The following PCDHA7 variants were observed in gnomAD, a reference collection of about 807,000 sequenced individuals.
PCDHA7 encodes the protein protocadherin alpha-7.
PCDHA7 carries 37 observed loss-of-function variants against 57.2 expected under a neutral mutation model. The observed-to-expected ratio is 0.65, with a 90% CI of 0.50 to 0.85. The LOEUF (loss-of-function observed/expected upper bound fraction) is 0.85, where lower values mean the gene tolerates loss of function less well. PCDHA7 is among the 40% of genes least tolerant of loss of function. The probability of loss-of-function intolerance (pLI) is 0.00; values close to 1 mark genes in which losing one functional copy is unlikely to be tolerated. For missense variants in PCDHA7, 1,188 were observed against 1,241.8 expected (o/e 0.96, Z 0.65); for synonymous variants, 553 against 558.8 (o/e 0.99, Z 0.15).
At chr5:140,863,571 TA>T in intron 1 of PCDHA7, 1 of 369,950 alleles carries the variant, frequency 2.7e-6, no homozygotes, top group South Asian at 2.1e-5. Context: ...AGAATATAAG[TA>T]CTGTAATCCT....
intron 1 of PCDHA7, among the ~76,000 whole-genome samples, chr5:140,892,021 G>A (rs2063355611): frequency 6.6e-6 from 1 of 152,160 alleles, no homozygotes; most frequent in Admixed American, 6.5e-5. Context: ...AGCACAAATG[G>A]TCTAAGATAC....
chr5:140,857,626 G>A (rs536509917), intron 1 of PCDHA7: 1 of 1,596,672 alleles, frequency 6.3e-7, no homozygotes, highest in South Asian at 1.1e-5. Context: ...ACCACGAGGA[G>A]CTGGAGCTGC....
intron 1 of PCDHA7, chr5:140,867,194 C>T (rs185502341): frequency 1.6e-3 from 248 of 152,260 alleles, no homozygotes; most frequent in African/African-American, 5.7e-3. Context: ...CAAGACTCCA[C>T]ATTCCATGTA....
chr5:140,966,259 G>A (rs1358322921), intron 1 of PCDHA7: 1 of 340,612 alleles, frequency 2.9e-6, no homozygotes, highest in Non-Finnish European at 5.3e-6. Context: ...AGACGGTGGA[G>A]ACTGGATGAA....
intron 1 of PCDHA7, among the ~76,000 whole-genome samples, chr5:140,909,493 G>T (rs989826667): frequency 6.6e-6 from 1 of 152,184 alleles, no homozygotes; most frequent in African/African-American, 2.4e-5. Context: ...AGAGCTGAAC[G>T]GGGATGTGGT....
intron 1 of PCDHA7, chr5:140,927,440 C>T (rs782460713): frequency 3.7e-6 from 6 of 1,614,050 alleles, no homozygotes; most frequent in Admixed American, 3.3e-5. Context: ...AGCGAATACC[C>T]GGAGTTGGTG....
intron 1 of PCDHA7, chr5:140,876,592 G>A (rs1469576623): frequency 1.2e-6 from 2 of 1,614,164 alleles, no homozygotes; most frequent in Middle Eastern, 1.6e-4. Flanking sequence ...CCTGATTAGC[G>A]TGTCGGATCG....
At chr5:140,972,660 ATTTTT>A (rs11350929) in intron 1 of PCDHA7, among the ~76,000 whole-genome samples, 2 of 117,266 alleles carry the variant, frequency 1.7e-5, no homozygotes, top group African/African-American at 3.3e-5. Flanking sequence ...AAGAAACCAA[ATTTTT>A]TTTTTTTTTT....
In PCDHA7 at chr5:141,010,089, G is replaced by A. The variant is rs1588251277; in HGVS notation, c.*152G>A. 3.7e-6 allele frequency: 6 copies of A among 1,612,294 alleles called. No individual in the cohort carries two copies. The highest frequency in any genetic ancestry group is 5.1e-6 in the Non-Finnish European group (6 of 1,179,138). ...AAAGTTCCCTGTGTCTGTCTAGAAC[G>A]CATTTAACAGGTTTTGTCGTAAAAG... On this transcript the variant is annotated 3_prime_UTR_variant, in exon 4 of 4. Transcript: ENST00000525929.
chr5:140,836,100 A>T lies in PCDHA7; in HGVS notation c.1717A>T (p.Thr573Ser), dbSNP rs782621778. 6.2e-7 allele frequency: 1 copy of T among 1,613,700 alleles called. No individual in the cohort carries two copies. Among genetic ancestry groups the T allele is most frequent in the Non-Finnish European group, 8.5e-7 (1 of 1,179,780 alleles). ...PALLAPRVGG[T>S]GGAVRELVPR... is the part of the protein sequence containing the mutation. ...ACTGCTGGCGCCTCGGGTGGGTGGC[A>T]CTGGTGGCGCAGTGAGAGAGCTTGT... Residue 573 changes from threonine (T) to serine (S), a missense_variant, in exon 1 of 4, where the codon ACT becomes TCT. Physicochemically the swap from Thr to Ser is moderately conservative, Grantham distance 58. Transcript: ENST00000525929.
chr5:140,887,728 C>T (rs1313632263), intron 1 of PCDHA7, among the ~76,000 whole-genome samples: 1 of 151,970 alleles, frequency 6.6e-6, no homozygotes, highest in Non-Finnish European at 1.5e-5. Context: ...TTTTTCTTTC[C>T]TTCCATCCTT....
intron 3 of PCDHA7, among the ~76,000 whole-genome samples, chr5:140,990,850 T>C (rs528860965): frequency 3.3e-5 from 5 of 152,312 alleles, no homozygotes; most frequent in African/African-American, 1.2e-4. Context: ...AATAGAGCCC[T>C]GAGGACATTG....
chr5:140,942,429 A>C (rs543442477), intron 1 of PCDHA7, among the ~76,000 whole-genome samples: 1 of 152,226 alleles, frequency 6.6e-6, no homozygotes, highest in Admixed American at 6.5e-5. Context: ...AAAGATATCT[A>C]ACAATAAACA....
intron 1 of PCDHA7, among the ~76,000 whole-genome samples, chr5:140,905,490 T>C (rs1256863992): frequency 1.3e-5 from 2 of 152,224 alleles, no homozygotes; most frequent in African/African-American, 4.8e-5. Context: ...TTTCTTCTTT[T>C]TGTTTTGTAT....
intron 1 of PCDHA7, chr5:140,882,774 C>T (rs782785084): frequency 1.2e-6 from 2 of 1,614,228 alleles, no homozygotes; most frequent in Non-Finnish European, 1.7e-6. Flanking sequence ...TCGGCATTGA[C>T]CTACCGACTG....
At chr5:140,857,667 G>T (rs375722457) in intron 1 of PCDHA7, 10 of 1,596,922 alleles carry the variant, frequency 6.3e-6, no homozygotes, top group East Asian at 4.5e-5. Flanking sequence ...CGCGATGGGG[G>T]CGTGCCGCCT....
chr5:140,882,174 CG>C, intron 1 of PCDHA7: 1 of 1,514,752 alleles, frequency 6.6e-7, no homozygotes, highest in South Asian at 1.4e-5. Flanking sequence ...CGAATCCTTC[CG>C]CACTAGGAAG....
At chr5:140,986,460 G>A (rs1489873666) in intron 3 of PCDHA7, among the ~76,000 whole-genome samples, 1 of 152,176 alleles carries the variant, frequency 6.6e-6, no homozygotes, top group Admixed American at 6.5e-5. Flanking sequence ...TTTAATGAAT[G>A]CCCTCTTGTG....
At chr5:140,962,772 T>C (rs1039768584) in intron 1 of PCDHA7, among the ~76,000 whole-genome samples, 2 of 152,336 alleles carry the variant, frequency 1.3e-5, no homozygotes, top group Admixed American at 1.3e-4. Context: ...TTTAACAAGA[T>C]GGAATTTTTA....
Sources: allele counts gnomAD v4.1 joint callset (sites outside exome capture counted in the v4.1 genomes callset), GRCh38; gene constraint gnomAD v4.1.1; transcripts MANE v1.5; gene names NCBI Gene and HGNC (gene_info 2026-07-23, HGNC 2026-07-21).